Variants in MLLT10 observed in about 807,000 individuals in gnomAD.
MLLT10 encodes the protein MLLT10 histone lysine methyltransferase DOT1L cofactor, also known as protein AF-10.
MLLT10 carries 30 observed loss-of-function variants against 129.1 expected under a neutral mutation model. The observed-to-expected ratio is 0.23, with a 90% CI of 0.17 to 0.32. The LOEUF (loss-of-function observed/expected upper bound fraction) is 0.32. Among genes scored for constraint, MLLT10 ranks in the 10% least tolerant of loss-of-function variants. The pLI is 1.00. For synonymous variants in MLLT10, 490 were observed against 446.4 expected (o/e 1.10, Z -1.23); for missense variants, 1,119 against 1,268.3 (o/e 0.88, Z 1.79).
At chr10:21,591,525 C>T (rs2042502592) in intron 4 of MLLT10, among the ~76,000 whole-genome samples, 1 of 151,870 alleles carries the variant, frequency 6.6e-6, no homozygotes, top group African/African-American at 2.4e-5. Flanking sequence ...TTTTTTAGTG[C>T]TGTATTTTAA....
At chr10:21,649,918 A>G (rs573975895) in intron 8 of MLLT10, among the ~76,000 whole-genome samples, 1 of 152,322 alleles carries the variant, frequency 6.6e-6, no homozygotes, top group South Asian at 2.1e-4. Context: ...AGAATATGGC[A>G]TGATTCTTTG....
chr10:21,709,418 G>C (rs1303122350), intron 13 of MLLT10, among the ~76,000 whole-genome samples: 1 of 152,128 alleles, frequency 6.6e-6, no homozygotes, highest in African/African-American at 2.4e-5. Context: ...TTTTAGTAGA[G>C]ATGGGTTTCG....
At chr10:21,636,468 C>T (rs900201025) in intron 8 of MLLT10, among the ~76,000 whole-genome samples, 1 of 151,932 alleles carries the variant, frequency 6.6e-6, no homozygotes, top group Admixed American at 6.6e-5. Context: ...TTTATATTGT[C>T]TTTATATATG....
intron 21 of MLLT10, among the ~76,000 whole-genome samples, chr10:21,737,467 AGAG>A (rs988917704): frequency 6.6e-5 from 10 of 152,164 alleles, no homozygotes; most frequent in African/African-American, 2.2e-4. Context: ...AGGTGCTAGC[AGAG>A]GAGGAGATGA....
chr10:21,668,181 A>G (rs2051021570), intron 9 of MLLT10, among the ~76,000 whole-genome samples: 1 of 152,146 alleles, frequency 6.6e-6, no homozygotes, highest in African/African-American at 2.4e-5. Context: ...AATTACACTC[A>G]GAGCAGTGAG....
At chr10:21,691,129 C>T (rs1454732480) in intron 13 of MLLT10, among the ~76,000 whole-genome samples, 1 of 152,098 alleles carries the variant, frequency 6.6e-6, no homozygotes, top group Non-Finnish European at 1.5e-5. Context: ...GCAGTTCGAT[C>T]ATGTTTAAAT....
chr10:21,612,483 A>G, intron 6 of MLLT10, 32 bp downstream of exon 6: 1 of 1,380,626 alleles, frequency 7.2e-7, no homozygotes, highest in Non-Finnish European at 1.0e-6. Flanking sequence ...CACAGAACTG[A>G]ACTTGGTAAA....
chr10:21,534,657 G>C lies in MLLT10; in HGVS notation c.13G>C (p.Asp5His). ...AACTCCCTCTTAGATGGTCTCTAGC[G>C]ACCGGCCCGTGTCACTGGAGGACGA... is the stretch of plus-strand genomic sequence containing the variant. MVSS[D>H]RPVSLEDEVS... Residue 5 changes from aspartate (D) to histidine (H), a missense_variant, in exon 2 of 23, where the codon GAC becomes CAC. By Grantham distance (81) the Asp-to-His change is moderately conservative. Around this residue, in one of 5 missense-constraint regions of MLLT10, gnomAD observed 35 missense variants for 26.0 expected, o/e 1.35. Transcript: ENST00000307729. 6.2e-7 allele frequency: 1 copy of C among 1,609,698 alleles called. No homozygotes were observed. The highest frequency in any genetic ancestry group is 8.5e-7 in the Non-Finnish European group (1 of 1,177,686).
At chr10:21,614,779 C>T in intron 6 of MLLT10, 52 bp from the exon 7 acceptor site, 1 of 1,407,796 alleles carries the variant, frequency 7.1e-7, no homozygotes, top group Non-Finnish European at 9.9e-7. Context: ...CTTATATATA[C>T]AGGTACTGTG....
intron 3 of MLLT10, among the ~76,000 whole-genome samples, chr10:21,546,355 A>G (rs940356636): frequency 2.6e-5 from 4 of 151,536 alleles, no homozygotes; most frequent in Non-Finnish European, 5.9e-5. Flanking sequence ...CTGAGATTAC[A>G]GGTGTGAGTG....
chr10:21,581,198 A>C (rs886586821), intron 3 of MLLT10, among the ~76,000 whole-genome samples: 2 of 151,300 alleles, frequency 1.3e-5, no homozygotes, highest in Non-Finnish European at 2.9e-5. Flanking sequence ...GGCGCCCACT[A>C]TCACACCTGG....
At chr10:21,707,216 G>A (rs1261636355) in intron 13 of MLLT10, among the ~76,000 whole-genome samples, 34 of 137,680 alleles carry the variant, frequency 2.5e-4, no homozygotes, top group African/African-American at 8.4e-4. Context: ...TTTTTGAGAC[G>A]GAGTTTCGCT....
intron 3 of MLLT10, among the ~76,000 whole-genome samples, chr10:21,578,785 G>C (rs1320195847): frequency 6.6e-6 from 1 of 152,092 alleles, no homozygotes; most frequent in Non-Finnish European, 1.5e-5. Context: ...CTTGTAAGTT[G>C]TTCTTTTATA....
At chr10:21,538,797 A>C (rs1411494888) in intron 2 of MLLT10, 36 bp from the exon 3 acceptor site, 3 of 1,506,318 alleles carry the variant, frequency 2.0e-6, no homozygotes, top group Non-Finnish European at 1.8e-6. Flanking sequence ...TAGTTCTTCG[A>C]ATCTTAACAT....
intron 3 of MLLT10, among the ~76,000 whole-genome samples, chr10:21,555,675 ATTT>A (rs748016694): frequency 3.0e-5 from 4 of 132,760 alleles, no homozygotes; most frequent in Admixed American, 1.5e-4. Flanking sequence ...ATGTAAGACA[ATTT>A]TTTTTTTTTT....
chr10:21,672,025 C>T (rs1205081282), intron 10 of MLLT10, among the ~76,000 whole-genome samples: 2 of 152,094 alleles, frequency 1.3e-5, no homozygotes, highest in Non-Finnish European at 1.5e-5. Context: ...TCAAGGTTTA[C>T]ATTTTTTAGT....
At chr10:21,667,793 T>G (rs796781107) in intron 9 of MLLT10, among the ~76,000 whole-genome samples, 2 of 152,176 alleles carry the variant, frequency 1.3e-5, no homozygotes, top group African/African-American at 4.8e-5. Context: ...CTTTGGTTAC[T>G]TGTTATAGAG....
chr10:21,564,840 A>G (rs1373468510), intron 3 of MLLT10, among the ~76,000 whole-genome samples: 1 of 151,150 alleles, frequency 6.6e-6, no homozygotes, highest in Non-Finnish European at 1.5e-5. Flanking sequence ...AAAAAAAAAA[A>G]GGTATTCCAC....
In MLLT10 at chr10:21,673,776, T is replaced by G; in HGVS notation, c.1478T>G (p.Leu493Arg). ...GNKNQENVSH[L>R]SVSSASPTSS... is the part of the protein sequence containing the mutation. ...AAAAATCAAGAGAATGTTTCTCATC[T>G]CTCAGTTTCTTCTGCTTCACCAACA... The change falls in exon 11 of 23, where the codon CTC (leucine) becomes CGC (arginine). Residue 493 changes from leucine (L) to arginine (R), a missense_variant. Physicochemically the swap from Leu to Arg is moderately radical, Grantham distance 102 (BLOSUM62 -2). Around this residue, in one of 5 missense-constraint regions of MLLT10, gnomAD observed 1,004 missense variants for 1,008.7 expected, o/e 1.00. Transcript: ENST00000307729. The G allele has an allele frequency of 6.2e-7, 1 of 1,614,172 alleles. No individual in the cohort carries two copies. Among genetic ancestry groups the G allele is most frequent in the Non-Finnish European group, 8.5e-7 (1 of 1,180,026 alleles).
Sources: gnomAD v4.1 joint callset for allele counts (sites outside exome capture counted in the v4.1 genomes callset) on GRCh38, gnomAD v4.1.1 for gene constraint, gnomAD v4.1.1 regional missense constraint, MANE v1.5 for transcripts, NCBI Gene and HGNC (gene_info 2026-07-23, HGNC 2026-07-21) for gene names.